RHPN2: variants seen among roughly 807,000 people sequenced by gnomAD.
RHPN2 encodes rhophilin-2.
RHPN2 carries 40 observed loss-of-function variants against 79.0 expected under a neutral mutation model. The observed-to-expected ratio is 0.51, with a 90% CI of 0.39 to 0.66. RHPN2 has a LOEUF of 0.66. RHPN2 is among the 30% of genes least tolerant of loss of function. RHPN2 has a pLI of 0.00. For synonymous variants in RHPN2, 285 were observed against 363.5 expected, an observed-to-expected ratio of 0.78 and a Z score of 2.46; for missense variants, 686 against 883.5, an observed-to-expected ratio of 0.78 and a Z score of 2.83.
chr19:33,008,925 T>C (rs62127403), intron 6 of RHPN2, among the ~76,000 whole-genome samples: 37,580 of 151,962 alleles, frequency 0.25, 4,907 homozygotes, highest in Non-Finnish European at 0.28. Context: ...CAATGGAATA[T>C]TACTCAGCAC....
intron 10 of RHPN2, among the ~76,000 whole-genome samples, 196 bp downstream of exon 10, chr19:32,999,390 A>G (rs952576066): frequency 7.9e-5 from 12 of 152,058 alleles, no homozygotes; most frequent in Admixed American, 7.9e-4. Context: ...GTGCTATGGA[A>G]CCCATGAGAA....
intron 14 of RHPN2, among the ~76,000 whole-genome samples, chr19:32,983,162 A>ACAC (rs1971588921): frequency 2.3e-5 from 3 of 130,974 alleles, no homozygotes; most frequent in Non-Finnish European, 5.0e-5. Context: ...CACACACACA[A>ACAC]ACACACACAC....
At chr19:32,994,942 G>A (rs1055481912) in intron 11 of RHPN2, among the ~76,000 whole-genome samples, 11 of 152,186 alleles carry the variant, frequency 7.2e-5, no homozygotes, top group South Asian at 4.2e-4. Flanking sequence ...AGACAAGAGC[G>A]AAATGACCTC....
At chr19:33,064,437 G>A (rs546374872) in intron 1 of RHPN2, among the ~76,000 whole-genome samples, 9 of 152,178 alleles carry the variant, frequency 5.9e-5, no homozygotes, top group African/African-American at 2.2e-4. Flanking sequence ...AGCCAGGAAC[G>A]GGTCCTTTCC....
At chr19:33,037,545 C>A (rs1187753159) in intron 2 of RHPN2, among the ~76,000 whole-genome samples, 1 of 152,200 alleles carries the variant, frequency 6.6e-6, no homozygotes, top group Non-Finnish European at 1.5e-5. Flanking sequence ...AGCTGTAACA[C>A]TCACTGCGAA....
At chr19:33,012,551 C>T in intron 5 of RHPN2, 96 bp downstream of exon 5, 1 of 827,144 alleles carries the variant, frequency 1.2e-6, no homozygotes, top group Non-Finnish European at 2.2e-6. Flanking sequence ...CCTCTATCCA[C>T]CCGCGATTCT....
At chr19:33,000,885 C>T (rs376119459) in intron 9 of RHPN2, among the ~76,000 whole-genome samples, 1 of 152,154 alleles carries the variant, frequency 6.6e-6, no homozygotes, top group Non-Finnish European at 1.5e-5. Flanking sequence ...TGTGTCTCTA[C>T]AGCAATCACC....
In RHPN2 at chr19:33,026,551, T is replaced by C. The variant is rs748842779; in HGVS notation, c.267A>G (p.Glu89=). Residue 89 remains glutamate, a synonymous_variant, in exon 3 of 15, where the codon GAA becomes GAG. Coordinates refer to ENST00000254260, the MANE Select transcript of RHPN2 (RefSeq NM_033103.5). ...CCGAGATGTTCAGCCCCTCCAGCTC[T>C]TCCTTGAGCATCTGCAGGTCTGAGT... ...FVNSDLQMLK[E]ELEGLNISVG... is the part of the protein sequence containing the mutation. The C allele has an allele frequency of 1.2e-6, 2 of 1,609,416 alleles. No individual in the cohort carries two copies. The highest frequency in any genetic ancestry group is 1.1e-5 in the South Asian group (1 of 91,078).
Position 32,982,363 on chromosome 19 carries a change from C to A in RHPN2, c.1801-2107G>T, listed in dbSNP as rs557697545. Reference sequence around the variant, plus strand: ...CGGAGGTTGCAGTGAGCCCAGATCACGCCACTGCACTCCAGCCTGGGCGAT... The same window carrying A: ...CGGAGGTTGCAGTGAGCCCAGATCAAGCCACTGCACTCCAGCCTGGGCGAT... On this transcript the variant is annotated intron_variant, in intron 14 of 14. Coordinates refer to ENST00000254260, the MANE Select transcript of RHPN2 (RefSeq NM_033103.5). 8.6e-5 allele frequency among the ~76,000 whole-genome samples: 13 copies of A among 151,976 alleles called. No individual in the cohort carries two copies. In the South Asian group the frequency reaches 2.7e-3, roughly 32 times the overall value.
At position 33,014,328 on chromosome 19, in the gene RHPN2, G is replaced by A. The variant is rs548734057; in HGVS notation, c.391-1604C>T. 2.6e-5 allele frequency among the ~76,000 whole-genome samples: 4 copies of A among 151,858 alleles called. No homozygotes were observed. In the South Asian group the frequency reaches 6.2e-4, roughly 24 times the overall value. On this transcript the variant is annotated intron_variant, in intron 4 of 14. Coordinates refer to ENST00000254260, the MANE Select transcript of RHPN2 (RefSeq NM_033103.5). ...CCTTCTTTTTCTTTTTTTAAGAGATGAGGGTCTTGCTCTGTCGTCCAGGGT... is the reference window on the plus strand; with the variant it reads ...CCTTCTTTTTCTTTTTTTAAGAGATAAGGGTCTTGCTCTGTCGTCCAGGGT...
intron 12 of RHPN2, among the ~76,000 whole-genome samples, chr19:32,992,964 G>A (rs1034974564): frequency 9.2e-5 from 14 of 151,444 alleles, no homozygotes; most frequent in African/African-American, 1.5e-4. Context: ...TACAAGAAAT[G>A]AAAATTAGTT....
intron 2 of RHPN2, among the ~76,000 whole-genome samples, chr19:33,031,984 C>T (rs889301470): frequency 2.7e-5 from 4 of 147,878 alleles, no homozygotes; most frequent in Non-Finnish European, 5.9e-5. Context: ...TCCCAAAGTG[C>T]TGGGATTACA....
intron 2 of RHPN2, among the ~76,000 whole-genome samples, chr19:33,042,287 C>T (rs115405917): frequency 1.9e-3 from 289 of 152,260 alleles, no homozygotes; most frequent in African/African-American, 6.8e-3. Context: ...GCCCACCTGC[C>T]CCCTTGGCCA....
intron 12 of RHPN2, among the ~76,000 whole-genome samples, chr19:32,992,416 C>T (rs1247964395): frequency 6.6e-6 from 1 of 151,932 alleles, no homozygotes; most frequent in Non-Finnish European, 1.5e-5. Context: ...GTCTCAAACT[C>T]CTGACCTCAG....
At chr19:32,989,186 T>C (rs1292371588) in intron 14 of RHPN2, among the ~76,000 whole-genome samples, 1 of 152,144 alleles carries the variant, frequency 6.6e-6, no homozygotes, top group Admixed American at 6.6e-5. Flanking sequence ...CTCCACTCAC[T>C]GCAACCTCCA....
intron 4 of RHPN2, among the ~76,000 whole-genome samples, chr19:33,014,663 T>C (rs1159443484): frequency 1.3e-5 from 2 of 152,198 alleles, no homozygotes; most frequent in South Asian, 2.1e-4. Context: ...CTCACACCTG[T>C]AATCCCAGTG....
intron 13 of RHPN2, among the ~76,000 whole-genome samples, chr19:32,991,605 G>A (rs540543069): frequency 1.4e-4 from 21 of 152,234 alleles, no homozygotes; most frequent in African/African-American, 4.6e-4. Flanking sequence ...CTGCACGATC[G>A]CGACTCACTG....
Position 33,026,532 on chromosome 19 carries a change from T to C in RHPN2, c.286A>G (p.Ile96Val), listed in dbSNP as rs1156441249. The C allele has an allele frequency of 2.5e-6, 4 of 1,607,846 alleles. No individual in the cohort carries two copies. ...GTGTTCTGATAGACGCCCACCGAGATGTTCAGCCCCTCCAGCTCTTCCTTG... is the reference window on the plus strand; with the variant it reads ...GTGTTCTGATAGACGCCCACCGAGACGTTCAGCCCCTCCAGCTCTTCCTTG... ...MLKEELEGLN[I>V]SVGVYQNTEE... Residue 96 changes from isoleucine (I) to valine (V), a missense_variant, in exon 3 of 15, where the codon ATC becomes GTC. Physicochemically the swap from Ile to Val is conservative, Grantham distance 29 (BLOSUM62 3). Transcript: ENST00000254260.
rs148092281 is a variant in RHPN2, at chr19:33,016,664, G to A, written c.391-3940C>T. Among the ~76,000 whole-genome samples, 51 of 152,210 alleles carry A rather than the reference G, an allele frequency of 3.4e-4. No individual in the cohort carries two copies. In the East Asian group the frequency reaches 9.5e-3, roughly 28 times the overall value. Reference sequence around the variant, plus strand: ...CCACTGCACTCCAGCCTGGGCAACAGAGTGAGACTCCCTCTCTAAATAAAT... The same window carrying A: ...CCACTGCACTCCAGCCTGGGCAACAAAGTGAGACTCCCTCTCTAAATAAAT... On this transcript the variant is annotated intron_variant, in intron 4 of 14. Coordinates refer to ENST00000254260, the MANE Select transcript of RHPN2 (RefSeq NM_033103.5).
Sources: allele counts gnomAD v4.1 joint callset (sites outside exome capture counted in the v4.1 genomes callset), GRCh38; gene constraint gnomAD v4.1.1; transcripts MANE v1.5; gene names NCBI Gene and HGNC (gene_info 2026-07-23, HGNC 2026-07-21).